Variants in PRR5L observed in about 807,000 individuals in gnomAD.
PRR5L encodes the protein proline rich 5 like.
Under a neutral mutation model 36.4 loss-of-function variants are expected in PRR5L, and 21 were observed. The observed-to-expected ratio is 0.58, with a 90% CI of 0.41 to 0.83. The LOEUF (loss-of-function observed/expected upper bound fraction) is 0.83. PRR5L is among the 40% of genes least tolerant of loss of function. PRR5L has a pLI of 0.00. For synonymous variants in PRR5L, 188 were observed against 197.0 expected (o/e 0.95, Z 0.38); for missense variants, 381 against 473.3 (o/e 0.80, Z 1.81).
rs1565408209 is a variant in PRR5L, at chr11:36,351,501, T to TTTATATA, written c.-125-49494_-125-49493insATATATT. ...TATATATTTATATATTTATATATAT[T>TTTATATA]TTTATATATTTATATATATTTATAT... On this transcript the variant is annotated intron_variant, in intron 1 of 8. Coordinates refer to ENST00000530639, the MANE Select transcript of PRR5L (RefSeq NM_001160167.2). Among the ~76,000 whole-genome samples the TTTATATA allele has an allele frequency of 4.3e-4, 4 of 9,324 alleles. 1 individual carries two copies. The South Asian group carries it at 0.013, about 30-fold the overall frequency. 6.1% of individuals were successfully genotyped at this position (9,324 alleles called of 152,430 possible).
At chr11:36,434,078 C>T (rs1182504876) in intron 5 of PRR5L, among the ~76,000 whole-genome samples, 1 of 152,234 alleles carries the variant, frequency 6.6e-6, no homozygotes, top group Non-Finnish European at 1.5e-5. Context: ...AAGTAACCCT[C>T]ATCATAGATA....
At chr11:36,446,472 A>C in intron 7 of PRR5L, 32 bp downstream of exon 7, 1 of 1,609,708 alleles carries the variant, frequency 6.2e-7, no homozygotes, top group Non-Finnish European at 8.5e-7. Context: ...GCCCCAAGGC[A>C]GAGGGAGGGA....
chr11:36,376,140 TGAA>T, intron 1 of PRR5L: 1 of 1,304,384 alleles, frequency 7.7e-7, no homozygotes. Flanking sequence ...TTGGATTTCC[TGAA>T]ATTGTTGAAC....
intron 6 of PRR5L, 104 bp downstream of exon 6, chr11:36,437,580 T>C (rs4756316): frequency 0.69 from 469,473 of 681,198 alleles, 164,537 homozygotes; most frequent in East Asian, 0.77. Context: ...AACTTGGAGA[T>C]TGGGCGCTTG....
intron 3 of PRR5L, 27 bp from the exon 4 acceptor site, chr11:36,419,228 G>T (rs751544375): frequency 1.2e-6 from 2 of 1,611,454 alleles, no homozygotes; most frequent in East Asian, 2.2e-5. Context: ...GCTGCTTGAC[G>T]GTGTTTCTCT....
At chr11:36,435,841 T>C (rs1858594372) in intron 5 of PRR5L, among the ~76,000 whole-genome samples, 1 of 152,206 alleles carries the variant, frequency 6.6e-6, no homozygotes, top group Non-Finnish European at 1.5e-5. Flanking sequence ...ATCTATACAC[T>C]TGGCACTTTC....
chr11:36,432,261 T>A (rs1858515987), intron 5 of PRR5L, among the ~76,000 whole-genome samples: 1 of 152,178 alleles, frequency 6.6e-6, no homozygotes, highest in Admixed American at 6.5e-5. Context: ...CTCCATGCTA[T>A]TTCCTCTGGT....
chr11:36,435,382 C>T (rs1422085672), intron 5 of PRR5L, among the ~76,000 whole-genome samples: 1 of 152,160 alleles, frequency 6.6e-6, no homozygotes, highest in African/African-American at 2.4e-5. Context: ...ATCAAATCAT[C>T]ACCAAGTATA....
chr11:36,405,777 T>A (rs1055468531), intron 3 of PRR5L, among the ~76,000 whole-genome samples: 1 of 152,168 alleles, frequency 6.6e-6, no homozygotes, highest in African/African-American at 2.4e-5. Context: ...AAGGTGCCGG[T>A]CATTTACATT....
At chr11:36,379,971 T>C (rs1470165021) in intron 1 of PRR5L, among the ~76,000 whole-genome samples, 1 of 152,178 alleles carries the variant, frequency 6.6e-6, no homozygotes, top group Non-Finnish European at 1.5e-5. Context: ...GGGTTGTTAA[T>C]TTCCCAGTGT....
chr11:36,462,244 G>C, intron 8 of PRR5L, 98 bp from the exon 9 acceptor site: 1 of 1,237,442 alleles, frequency 8.1e-7, no homozygotes, highest in Non-Finnish European at 1.1e-6. Flanking sequence ...TGCTCCTAAA[G>C]GTTGAGCACC....
intron 8 of PRR5L, among the ~76,000 whole-genome samples, chr11:36,453,661 A>G (rs1377424695): frequency 1.3e-5 from 2 of 152,164 alleles, no homozygotes; most frequent in East Asian, 1.9e-4. Context: ...CCTGCCCTCC[A>G]GAGCACACAG....
chr11:36,404,883 A>G (rs1424030604), intron 3 of PRR5L, among the ~76,000 whole-genome samples: 2 of 152,238 alleles, frequency 1.3e-5, no homozygotes, highest in African/African-American at 2.4e-5. Context: ...CTGAGGCCCC[A>G]AGAAGTTGAG....
chr11:36,369,493 T>C (rs905721545), intron 1 of PRR5L, among the ~76,000 whole-genome samples: 7 of 152,204 alleles, frequency 4.6e-5, no homozygotes, highest in South Asian at 2.1e-4. Flanking sequence ...TGATGGTTCC[T>C]GGAAAAGGCG....
intron 5 of PRR5L, among the ~76,000 whole-genome samples, chr11:36,436,666 T>C (rs1858611365): frequency 6.6e-6 from 1 of 152,052 alleles, no homozygotes; most frequent in Non-Finnish European, 1.5e-5. Flanking sequence ...TCTTAATGAG[T>C]AAGAAAACAA....
At chr11:36,378,109 T>C (rs1857308910) in intron 1 of PRR5L, among the ~76,000 whole-genome samples, 1 of 152,138 alleles carries the variant, frequency 6.6e-6, no homozygotes, top group South Asian at 2.1e-4. Context: ...TTGCCCTACA[T>C]ACTGCAAAAT....
At chr11:36,354,847 C>T (rs1465783174) in intron 1 of PRR5L, among the ~76,000 whole-genome samples, 1 of 152,026 alleles carries the variant, frequency 6.6e-6, no homozygotes, top group Non-Finnish European at 1.5e-5. Flanking sequence ...CAGTTATTAG[C>T]CAGGGGCAAG....
rs565342475 is a variant in PRR5L, at chr11:36,335,947, G to A, written c.-126+39509G>A. Among the ~76,000 whole-genome samples the A allele has an allele frequency of 1.6e-4, 24 of 152,174 alleles. No homozygotes were observed. In the South Asian group the frequency reaches 3.7e-3, roughly 24 times the overall value. On this transcript the variant is annotated intron_variant, in intron 1 of 8. Coordinates refer to ENST00000530639, the MANE Select transcript of PRR5L (RefSeq NM_001160167.2). Reference sequence around the variant, plus strand: ...ACTCTGATTTAATCTTGTGTAAGCCGCAGAACATAGTCAAAGGAGTAACTG... The same window carrying A: ...ACTCTGATTTAATCTTGTGTAAGCCACAGAACATAGTCAAAGGAGTAACTG...
chr11:36,388,132 A>G (rs1320464840), intron 1 of PRR5L: 3 of 152,264 alleles, frequency 2.0e-5, no homozygotes, highest in Non-Finnish European at 4.4e-5. Flanking sequence ...ATAGCGCAGA[A>G]AAAAGAAAAG....
Sources: gnomAD v4.1 joint callset for allele counts (sites outside exome capture counted in the v4.1 genomes callset) on GRCh38, gnomAD v4.1.1 for gene constraint, MANE v1.5 for transcripts, NCBI Gene and HGNC (gene_info 2026-07-23, HGNC 2026-07-21) for gene names.